GTF2I: variants seen among roughly 807,000 people sequenced by gnomAD.
The protein encoded by GTF2I is general transcription factor II-I.
GTF2I carries 12 observed loss-of-function variants against 67.6 expected under a neutral mutation model. The ratio of observed to expected loss-of-function variants is 0.18; its 90% confidence interval spans 0.11 to 0.29. GTF2I has a LOEUF of 0.29. Ranked by LOEUF, GTF2I falls within the 10% of genes least tolerant of loss-of-function variation. The pLI is 1.00. For missense variants in GTF2I, 271 were observed against 580.1 expected (o/e 0.47, Z 5.47); for synonymous variants, 149 against 197.0 (o/e 0.76, Z 2.04).
intron 11 of GTF2I, among the ~76,000 whole-genome samples, chr7:74,717,486 CA>C (rs1792402297): frequency 6.6e-6 from 1 of 152,090 alleles, no homozygotes; most frequent in Non-Finnish European, 1.5e-5. Context: ...GACTGAGGTA[CA>C]GTTCTTTTTG....
chr7:74,700,015 T>C (rs1258670111), intron 4 of GTF2I: 4 of 456,306 alleles, frequency 8.8e-6, no homozygotes, highest in Non-Finnish European at 1.6e-5. Context: ...TCTCTCTATG[T>C]GTTTTTTAAA....
chr7:74,674,248 G>T (rs1279871487), intron 1 of GTF2I, among the ~76,000 whole-genome samples: 3 of 151,646 alleles, frequency 2.0e-5, no homozygotes, highest in African/African-American at 7.3e-5. Flanking sequence ...TAAATTTTTG[G>T]TAGAGAAGGG....
intron 1 of GTF2I, among the ~76,000 whole-genome samples, chr7:74,661,858 T>G (rs1250947249): frequency 6.6e-6 from 1 of 152,148 alleles, no homozygotes; most frequent in Non-Finnish European, 1.5e-5. Context: ...TGGAATAAAA[T>G]GGGAAATCTT....
chr7:74,671,788 C>G (rs930663749), intron 1 of GTF2I, among the ~76,000 whole-genome samples: 1 of 151,826 alleles, frequency 6.6e-6, no homozygotes, highest in Non-Finnish European at 1.5e-5. Context: ...TTGACACCAG[C>G]CTGGGCAACA....
At chr7:74,705,143 A>ATTTTT in intron 6 of GTF2I, 21 bp from the exon 7 acceptor site, 4 of 1,243,630 alleles carry the variant, frequency 3.2e-6, no homozygotes, top group African/African-American at 1.5e-5. Flanking sequence ...ACTAACTCCA[A>ATTTTT]TTTTTTTTTT....
intron 1 of GTF2I, among the ~76,000 whole-genome samples, chr7:74,665,789 G>T (rs1224989946): frequency 1.3e-5 from 2 of 152,182 alleles, no homozygotes; most frequent in East Asian, 3.8e-4. Flanking sequence ...CAAGGGCAAG[G>T]ACTTATTCCT....
chr7:74,671,809 C>G (rs1805480453), intron 1 of GTF2I, among the ~76,000 whole-genome samples: 1 of 151,876 alleles, frequency 6.6e-6, no homozygotes, highest in African/African-American at 2.4e-5. Context: ...TAGTGAGACC[C>G]TGTCTCTACC....
At chr7:74,687,650 AG>A in intron 1 of GTF2I, 1 of 553,384 alleles carries the variant, frequency 1.8e-6, no homozygotes, top group Non-Finnish European at 2.3e-6. Context: ...CTTTAATAAT[AG>A]GGAAATAGAG....
At chr7:74,732,972 TA>T (rs1336675123) in intron 15 of GTF2I, among the ~76,000 whole-genome samples, 2 of 151,586 alleles carry the variant, frequency 1.3e-5, no homozygotes, top group African/African-American at 2.4e-5. Context: ...TATATATATA[TA>T]TTTTTTTTTT....
Position 74,662,511 on chromosome 7 carries a change from C to CTTTTTTTTTTTTTT in GTF2I, c.-6+4459_-6+4472dup. 8.4e-4 allele frequency among the ~76,000 whole-genome samples: 42 copies of CTTTTTTTTTTTTTT among 50,218 alleles called. 12 individuals carry two copies. Among genetic ancestry groups the CTTTTTTTTTTTTTT allele is most frequent in the African/African-American group, 9.1e-4 (11 of 12,048 alleles). 32.9% of individuals were successfully genotyped at this position (50,218 alleles called of 152,430 possible). On this transcript the variant is annotated intron_variant, in intron 1 of 34. Transcript: ENST00000573035. ...AGGCGTGAGCCACTGCACCTGGACC[C>CTTTTTTTTTTTTTT]TTTTTTTTTTTTTTTTTTTTTTTTT... is the stretch of plus-strand genomic sequence containing the variant.
At chr7:74,693,749 G>A (rs1430416444) in intron 3 of GTF2I, among the ~76,000 whole-genome samples, 2 of 152,178 alleles carry the variant, frequency 1.3e-5, no homozygotes, top group African/African-American at 4.8e-5. Context: ...GGGAGGCTGA[G>A]GCAGGTGAAT....
chr7:74,714,616 C>A (rs1554403207), intron 9 of GTF2I, among the ~76,000 whole-genome samples: 2 of 152,018 alleles, frequency 1.3e-5, no homozygotes, highest in African/African-American at 2.4e-5. Flanking sequence ...ATCCATATGT[C>A]CAGTCATCTT....
chr7:74,688,131 T>C (rs1787905395), intron 1 of GTF2I, among the ~76,000 whole-genome samples: 1 of 152,176 alleles, frequency 6.6e-6, no homozygotes, highest in Non-Finnish European at 1.5e-5. Flanking sequence ...AAGGCTCCAG[T>C]GAGGTGGCGT....
intron 21 of GTF2I, among the ~76,000 whole-genome samples, 170 bp from the exon 22 acceptor site, chr7:74,745,713 T>C (rs2131558045): frequency 8.1e-6 from 1 of 122,926 alleles, no homozygotes; most frequent in East Asian, 2.5e-4. Flanking sequence ...TTACCAGTCA[T>C]GGGAAGGAAA....
chr7:74,695,605 A>G (rs587767486), intron 3 of GTF2I, among the ~76,000 whole-genome samples: 9 of 152,248 alleles, frequency 5.9e-5, no homozygotes, highest in African/African-American at 1.9e-4. Flanking sequence ...TTTAATTCCC[A>G]ATTGTATTTT....
intron 1 of GTF2I, among the ~76,000 whole-genome samples, chr7:74,687,738 G>T (rs1554395863): frequency 6.6e-6 from 1 of 152,208 alleles, no homozygotes; most frequent in Non-Finnish European, 1.5e-5. Context: ...CTCCTCAGCT[G>T]CTTGTCCACG....
At chr7:74,696,791 G>A (rs782025948) in intron 3 of GTF2I, among the ~76,000 whole-genome samples, 10 of 151,974 alleles carry the variant, frequency 6.6e-5, no homozygotes, top group Non-Finnish European at 1.3e-4. Context: ...CACTGCACCC[G>A]GCCTAATTCT....
At chr7:74,706,719 G>A (rs587685634) in intron 8 of GTF2I, among the ~76,000 whole-genome samples, 3 of 152,178 alleles carry the variant, frequency 2.0e-5, no homozygotes, top group African/African-American at 7.2e-5. Context: ...GAGGTCAGCT[G>A]TTCTATAGTG....
At chr7:74,727,071 A>T (rs1434644071) in intron 12 of GTF2I, 1 of 152,190 alleles carries the variant, frequency 6.6e-6, no homozygotes, top group East Asian at 1.9e-4. Flanking sequence ...TACTATGATT[A>T]TGTTTTTCTG....
Sources: gnomAD v4.1 joint callset for allele counts (sites outside exome capture counted in the v4.1 genomes callset) on GRCh38, gnomAD v4.1.1 for gene constraint, MANE v1.5 for transcripts, NCBI Gene and HGNC (gene_info 2026-07-23, HGNC 2026-07-21) for gene names.